The following PDE4D variants were observed in gnomAD, a reference collection of about 807,000 sequenced individuals.
PDE4D encodes phosphodiesterase 4D.
In PDE4D, 24 loss-of-function variants were observed where a neutral mutation model predicts 87.4. The observed-to-expected ratio is 0.27, with a 90% CI of 0.20 to 0.39. The LOEUF (loss-of-function observed/expected upper bound fraction) is 0.39, where lower values mean the gene tolerates loss of function less well. Ranked by LOEUF, PDE4D falls within the 10% of genes least tolerant of loss-of-function variation. The probability of loss-of-function intolerance (pLI) is 1.00; values close to 1 mark genes in which losing one functional copy is unlikely to be tolerated. For missense variants in PDE4D, 714 were observed against 1,041.0 expected, an observed-to-expected ratio of 0.69 and a Z score of 4.32; for synonymous variants, 384 against 383.2, an observed-to-expected ratio of 1.00 and a Z score of -0.02.
At chr5:60,495,685 C>T (rs1749777076) in intron 1 of PDE4D, among the ~76,000 whole-genome samples, 1 of 152,202 alleles carries the variant, frequency 6.6e-6, no homozygotes, top group African/African-American at 2.4e-5. Flanking sequence ...AGTATGGTAG[C>T]AAGCCAGGAG....
intron 5 of PDE4D, among the ~76,000 whole-genome samples, chr5:59,153,772 TG>T (rs1779782683): frequency 6.6e-6 from 1 of 151,540 alleles, no homozygotes; most frequent in African/African-American, 2.4e-5. Context: ...TTGTTGTTGT[TG>T]TTTTTTTTTA....
intron 5 of PDE4D, among the ~76,000 whole-genome samples, chr5:59,062,482 G>A (rs1024435439): frequency 9.2e-5 from 14 of 152,208 alleles, no homozygotes; most frequent in Admixed American, 1.3e-4. Context: ...AAAATTCAAA[G>A]GCAATCAGAT....
intron 1 of PDE4D, chr5:60,431,178 C>T: frequency 5.1e-6 from 1 of 197,954 alleles, no homozygotes; most frequent in South Asian, 6.9e-5. Flanking sequence ...GGGCTGACCC[C>T]CCCACCTCCC....
At chr5:59,071,324 G>T (rs1220303500) in intron 5 of PDE4D, among the ~76,000 whole-genome samples, 7 of 151,878 alleles carry the variant, frequency 4.6e-5, no homozygotes, top group Non-Finnish European at 7.4e-5. Context: ...TTGTCCTCCT[G>T]CAGTTTTCTC....
At chr5:60,001,389 T>C (rs998363391) in intron 2 of PDE4D, among the ~76,000 whole-genome samples, 1 of 152,184 alleles carries the variant, frequency 6.6e-6, no homozygotes, top group Non-Finnish European at 1.5e-5. Context: ...ATAAGAATAC[T>C]GTACCCTGCA....
chr5:59,103,696 A>G (rs1005435237), intron 5 of PDE4D, among the ~76,000 whole-genome samples: 3 of 152,116 alleles, frequency 2.0e-5, no homozygotes, highest in Non-Finnish European at 2.9e-5. Flanking sequence ...GAGTTTGAAG[A>G]CCTTTGAGCT....
intron 1 of PDE4D, among the ~76,000 whole-genome samples, chr5:59,535,040 G>C (rs966480985): frequency 1.4e-4 from 19 of 140,654 alleles, no homozygotes; most frequent in African/African-American, 4.2e-4. Context: ...AGGACAACAA[G>C]ATAATTTTGT....
chr5:59,334,131 A>C (rs1481768879), intron 1 of PDE4D, among the ~76,000 whole-genome samples: 1 of 151,572 alleles, frequency 6.6e-6, no homozygotes, highest in African/African-American at 2.4e-5. Context: ...TTTTAAATTT[A>C]ATAGTTTTTT....
At chr5:60,205,687 A>T (rs1742429128) in intron 1 of PDE4D, among the ~76,000 whole-genome samples, 1 of 151,446 alleles carries the variant, frequency 6.6e-6, no homozygotes, top group East Asian at 1.9e-4. Context: ...TGAGTTTGAG[A>T]CCAACCTGAC....
chr5:59,504,977 TGAGA>T (rs199648536), intron 1 of PDE4D, among the ~76,000 whole-genome samples: 1 of 149,908 alleles, frequency 6.7e-6, no homozygotes, highest in African/African-American at 2.4e-5. Flanking sequence ...TGTGTGAAAG[TGAGA>T]GAGAGAGAAG....
At chr5:60,471,430 T>G (rs1306887827) in intron 1 of PDE4D, among the ~76,000 whole-genome samples, 1 of 152,196 alleles carries the variant, frequency 6.6e-6, no homozygotes, top group South Asian at 2.1e-4. Context: ...AAGCAGCAAC[T>G]GGGTTTGAGA....
intron 5 of PDE4D, among the ~76,000 whole-genome samples, chr5:59,067,336 G>T (rs1329828238): frequency 6.6e-6 from 1 of 152,008 alleles, no homozygotes; most frequent in Non-Finnish European, 1.5e-5. Flanking sequence ...TGTTACAGCA[G>T]CTTGAATGGA....
chr5:59,867,645 T>C (rs1350940809), intron 1 of PDE4D, among the ~76,000 whole-genome samples: 2 of 152,114 alleles, frequency 1.3e-5, no homozygotes, highest in African/African-American at 4.8e-5. Context: ...TAGTCATCAC[T>C]ACACTGTAGG....
At chr5:59,430,565 G>A (rs953591644) in intron 1 of PDE4D, 10 of 483,596 alleles carry the variant, frequency 2.1e-5, no homozygotes, top group Non-Finnish European at 2.9e-5. Flanking sequence ...AAGTAAACGC[G>A]TGTTTCTCGG....
At chr5:59,930,268 A>T (rs1755770962) in intron 3 of PDE4D, among the ~76,000 whole-genome samples, 1 of 152,088 alleles carries the variant, frequency 6.6e-6, no homozygotes, top group African/African-American at 2.4e-5. Flanking sequence ...ATGTAATTCA[A>T]TTAAGGATCT....
chr5:58,993,326 G>A (rs1748367857), intron 7 of PDE4D, 46 bp downstream of exon 7: 6 of 1,144,148 alleles, frequency 5.2e-6, no homozygotes, highest in Non-Finnish European at 7.5e-6. Flanking sequence ...AAACAAACAA[G>A]CAAACAACTG....
intron 1 of PDE4D, among the ~76,000 whole-genome samples, chr5:59,531,968 G>A (rs1298690973): frequency 6.6e-6 from 1 of 152,080 alleles, no homozygotes; most frequent in Non-Finnish European, 1.5e-5. Flanking sequence ...ATTTTTATTT[G>A]TTTGATTCAC....
intron 1 of PDE4D, among the ~76,000 whole-genome samples, chr5:59,406,159 G>A (rs258114): frequency 0.22 from 33,311 of 151,900 alleles, 3,890 homozygotes; most frequent in East Asian, 0.39. Context: ...TCAGATCCTG[G>A]GCTTTTCTTT....
At chr5:59,217,897 TG>T (rs1751606651) in intron 1 of PDE4D, 1 of 359,654 alleles carries the variant, frequency 2.8e-6, no homozygotes, top group Admixed American at 3.5e-5. Flanking sequence ...TAGGGATCTT[TG>T]GCAAACTCTC....
Sources: allele counts gnomAD v4.1 joint callset (sites outside exome capture counted in the v4.1 genomes callset), GRCh38; gene constraint gnomAD v4.1.1; transcripts MANE v1.5; gene names NCBI Gene and HGNC (gene_info 2026-07-23, HGNC 2026-07-21).